CASZ1: variants seen among roughly 807,000 people sequenced by gnomAD.
CASZ1 encodes the protein castor zinc finger 1.
A neutral mutation model predicts 135.2 loss-of-function variants in CASZ1; 28 were observed. The ratio of observed to expected loss-of-function variants is 0.21; its 90% CI spans 0.15 to 0.28. CASZ1 has a LOEUF of 0.28. Ranked by LOEUF, CASZ1 falls within the 10% of genes least tolerant of loss-of-function variation. The pLI, the probability that CASZ1 is intolerant of heterozygous loss-of-function variation, is 1.00. For synonymous variants in CASZ1, 1,068 were observed against 1,073.4 expected, an observed-to-expected ratio of 0.99 and a Z score of 0.10; for missense variants, 2,161 against 2,453.3, an observed-to-expected ratio of 0.88 and a Z score of 2.52.
At chr1:10,695,011 G>A (rs1638898256) in intron 3 of CASZ1, among the ~76,000 whole-genome samples, 1 of 149,030 alleles carries the variant, frequency 6.7e-6, no homozygotes, top group Admixed American at 6.6e-5. Context: ...TTCCGCGAGG[G>A]CGGGCGCAGG....
intron 20 of CASZ1, chr1:10,642,468 A>C: frequency 4.3e-6 from 1 of 235,102 alleles, no homozygotes. Context: ...AGAGAGAGGG[A>C]CACAAGAAGA....
At chr1:10,729,109 G>C (rs1314875161) in intron 2 of CASZ1, among the ~76,000 whole-genome samples, 1 of 151,954 alleles carries the variant, frequency 6.6e-6, no homozygotes, top group Non-Finnish European at 1.5e-5. Flanking sequence ...GGGGAGGAGA[G>C]GGAAGGGGTG....
At position 10,679,062 on chromosome 1, in the gene CASZ1, A is replaced by C. The variant is rs1638331031; in HGVS notation, c.17-13491T>G. Among the ~76,000 whole-genome samples the C allele has an allele frequency of 1.3e-5, 2 of 150,252 alleles. No individual in the cohort carries two copies. Among genetic ancestry groups the C allele is most frequent in the Non-Finnish European group, 1.5e-5 (1 of 67,456 alleles). ...ATCTCTGGCCTATGCGTGTCCCCTC[A>C]CTCTCCTCCATCACTGCTCCCTGGG... On this transcript the variant is annotated intron_variant, in intron 4 of 20. Transcript: ENST00000377022. The surrounding 1 kb of genome is among the most constrained non-coding windows in gnomAD (Gnocchi z 4.7).
chr1:10,650,800 C>G lies in CASZ1; in HGVS notation c.2817-45G>C, dbSNP rs1319044842. 2.5e-6 allele frequency: 4 copies of G among 1,606,972 alleles called. No individual in the cohort carries two copies. In the African/African-American group the frequency reaches 4.0e-5, roughly 16 times the overall value. On this transcript the variant is annotated intron_variant, in intron 12 of 20. Transcript: ENST00000377022. Reference sequence around the variant, plus strand: ...GGACTTGAGCTCAGACGGCCGGGGCCTGGGCCCTGGGGCTCACCTTCCCTG... The same window carrying G: ...GGACTTGAGCTCAGACGGCCGGGGCGTGGGCCCTGGGGCTCACCTTCCCTG...
Position 10,639,562 on chromosome 1 carries a change from T to A in CASZ1, c.4660A>T (p.Ser1554Cys). ...CAGTCGGGCACGGCGCAGTCGGCGC[T>A]GGAGCTGAACTGGCAGAAGCCCGCG... Reference protein sequence around the residue: ...SAAGFCQFSSSADCAVPDCKY... With the variant: ...SAAGFCQFSSCADCAVPDCKY... The change falls in exon 21 of 21, where the codon AGC becomes TGC. Residue 1554 changes from serine to cysteine, a missense_variant. Coordinates refer to ENST00000377022, the MANE Select transcript of CASZ1 (RefSeq NM_001079843.3). This position sits in a 1 kb window ranked among gnomAD's most constrained non-coding sequence, Gnocchi z 4.0. 6.2e-7 allele frequency: 1 copy of A among 1,611,244 alleles called. No homozygotes were observed. Among genetic ancestry groups the A allele is most frequent in the Non-Finnish European group, 8.5e-7 (1 of 1,178,852 alleles).
At chr1:10,758,733 C>A (rs1267943191) in intron 2 of CASZ1, among the ~76,000 whole-genome samples, 4 of 152,174 alleles carry the variant, frequency 2.6e-5, no homozygotes, top group Non-Finnish European at 5.9e-5. Flanking sequence ...GCAGACCAGA[C>A]CTACGCACAG....
At position 10,649,122 on chromosome 1, in the gene CASZ1, C is replaced by T; in HGVS notation, c.3106G>A (p.Glu1036Lys). ...LHKAHFHCVV[E>K]ECGALFSTLD... ...GTGCTGAAGAGCGCGCCGCATTCCT[C>T]CACCACGCAGTGGAAGTGGGCCTTG... Residue 1036 changes from glutamate to lysine, a missense_variant, in exon 15 of 21, where the codon GAG becomes AAG. By Grantham distance (56) the Glu-to-Lys change is moderately conservative (BLOSUM62 1). Around this residue, in one of 7 missense-constraint regions of CASZ1, gnomAD observed 349 missense variants for 460.8 expected, o/e 0.76. Coordinates refer to ENST00000377022, the MANE Select transcript of CASZ1 (RefSeq NM_001079843.3). 1 of 1,613,708 alleles carries T rather than the reference C, an allele frequency of 6.2e-7. No homozygotes were observed. The highest frequency in any genetic ancestry group is 8.5e-7 in the Non-Finnish European group (1 of 1,180,032).
At chr1:10,644,165 G>A (rs769976516) in intron 18 of CASZ1, among the ~76,000 whole-genome samples, 17 of 152,142 alleles carry the variant, frequency 1.1e-4, no homozygotes, top group Admixed American at 4.6e-4. Context: ...TGCAGCCCAG[G>A]GGCCTCTGCT....
chr1:10,645,056 G>C lies in CASZ1; in HGVS notation c.3729C>G (p.His1243Gln). The C allele has an allele frequency of 6.2e-7, 1 of 1,614,034 alleles. No individual in the cohort carries two copies. Among genetic ancestry groups the C allele is most frequent in the Non-Finnish European group, 8.5e-7 (1 of 1,179,994 alleles). ...HCEFRMRGHY[H>Q]CLRTGCYFVT... ...CAAAATAGCAGCCGGTGCGGAGGCA[G>C]TGGTAGTGCCCACGCATTCGGAACT... The change falls in exon 18 of 21, where the codon CAC becomes CAG. Residue 1243 changes from histidine (H) to glutamine (Q), a missense_variant. By Grantham distance (24) the His-to-Gln change is conservative (BLOSUM62 0). Coordinates refer to ENST00000377022, the MANE Select transcript of CASZ1 (RefSeq NM_001079843.3).
chr1:10,690,577 C>T (rs1189506028), intron 4 of CASZ1, among the ~76,000 whole-genome samples: 1 of 152,162 alleles, frequency 6.6e-6, no homozygotes, highest in Admixed American at 6.5e-5. Context: ...CCTGGAGCCC[C>T]AGAAGGAGAA....
chr1:10,651,155 A>G, intron 11 of CASZ1, 79 bp from the exon 12 acceptor site: 4 of 1,243,710 alleles, frequency 3.2e-6, no homozygotes, highest in Non-Finnish European at 4.2e-6. Flanking sequence ...TGCCCCCTGG[A>G]GGGAGGGCAG....
intron 2 of CASZ1, among the ~76,000 whole-genome samples, chr1:10,758,199 TC>T (rs1640294713): frequency 1.3e-5 from 2 of 152,126 alleles, no homozygotes; most frequent in African/African-American, 4.8e-5. Context: ...GCTGGCGTCT[TC>T]CTTTTTTGTT....
Position 10,638,988 on chromosome 1 carries a change from G to A in CASZ1, c.5234C>T (p.Ala1745Val). The A allele has an allele frequency of 2.0e-6, 2 of 981,184 alleles. No individual in the cohort carries two copies. Among genetic ancestry groups the A allele is most frequent in the Non-Finnish European group, 2.4e-6 (2 of 828,890 alleles). 60.8% of individuals were successfully genotyped at this position (981,184 alleles called of 1,614,324 possible). A position where few individuals can be genotyped will look rare whatever the true frequency, so the allele number is the denominator to read the frequency against. The change falls in exon 21 of 21, where the codon GCC becomes GTC. Residue 1745 changes from alanine (A) to valine (V), a missense_variant. Physicochemically the swap from Ala to Val is moderately conservative, Grantham distance 64. Transcript: ENST00000377022. This position sits in a 1 kb window ranked among gnomAD's most constrained non-coding sequence, Gnocchi z 5.9. ...GGGCGCGGGGCCGGGGGCGCCCAGG[G>A]CCGCCAGCGCCGCCAAGGCCGGGGT... ...ARTPALAALA[A>V]LGAPGPAPTA...
chr1:10,688,862 C>T (rs1300262350), intron 4 of CASZ1, among the ~76,000 whole-genome samples: 1 of 152,088 alleles, frequency 6.6e-6, no homozygotes, highest in Non-Finnish European at 1.5e-5. Context: ...CCTCCTCCTG[C>T]TCCCAGCTTC....
intron 4 of CASZ1, among the ~76,000 whole-genome samples, chr1:10,681,843 A>C (rs1024395012): frequency 1.3e-5 from 2 of 152,130 alleles, no homozygotes; most frequent in African/African-American, 4.8e-5. Context: ...GACTGAGCTG[A>C]AGCCCCTTCT....
chr1:10,784,287 C>T (rs142095738), intron 1 of CASZ1, among the ~76,000 whole-genome samples: 122 of 152,216 alleles, frequency 8.0e-4, no homozygotes, highest in African/African-American at 2.9e-3. Context: ...ATGGGGGGGT[C>T]CTCCATTTAG....
intron 18 of CASZ1, 132 bp downstream of exon 18, chr1:10,644,785 G>T: frequency 1.1e-6 from 1 of 903,732 alleles, no homozygotes; most frequent in Non-Finnish European, 1.7e-6. Flanking sequence ...TGATATCTGG[G>T]ACACCTTTAA....
At position 10,676,169 on chromosome 1, in the gene CASZ1, ATG is replaced by A. The variant is rs1159822719; in HGVS notation, c.17-10600_17-10599del. Among the ~76,000 whole-genome samples the A allele has an allele frequency of 1.3e-5, 2 of 152,244 alleles. No homozygotes were observed. The highest frequency in any genetic ancestry group is 2.9e-5 in the Non-Finnish European group (2 of 67,984). ...CAGGAACCCCTGAGGGTCACACAGA[ATG>A]TGTGATCTCAGGGTGGTGACAAACC... On this transcript the variant is annotated intron_variant, in intron 4 of 20. Transcript: ENST00000377022. The surrounding 1 kb of genome is among the most constrained non-coding windows in gnomAD (Gnocchi z 4.5).
At chr1:10,696,481 G>A (rs1638937269) in intron 3 of CASZ1, among the ~76,000 whole-genome samples, 1 of 152,236 alleles carries the variant, frequency 6.6e-6, no homozygotes, top group African/African-American at 2.4e-5. Flanking sequence ...TCCCGACATG[G>A]GATCTCAGAG....
Sources: gnomAD v4.1 joint callset for allele counts (sites outside exome capture counted in the v4.1 genomes callset) on GRCh38, gnomAD v4.1.1 for gene constraint, gnomAD v4.1.1 regional missense constraint, Gnocchi (gnomAD v3.1) non-coding constraint, MANE v1.5 for transcripts, NCBI Gene and HGNC (gene_info 2026-07-23, HGNC 2026-07-21) for gene names.